ABL2: variants seen among roughly 807,000 people sequenced by gnomAD.
ABL2 encodes tyrosine-protein kinase ABL2.
A neutral mutation model predicts 107.7 loss-of-function variants in ABL2; 49 were observed. That is an observed-to-expected ratio of 0.45 (90% CI 0.36 to 0.58). ABL2 has a LOEUF of 0.58. ABL2 is among the 20% of genes least tolerant of loss of function. The pLI, the probability that ABL2 is intolerant of heterozygous loss-of-function variation, is 0.00. For synonymous variants in ABL2, 549 were observed against 548.6 expected (o/e 1.00, Z -0.01); for missense variants, 1,245 against 1,457.0 (o/e 0.85, Z 2.37).
At chr1:179,227,928 G>A (rs528847480) in intron 1 of ABL2, among the ~76,000 whole-genome samples, 1 of 151,684 alleles carries the variant, frequency 6.6e-6, no homozygotes, top group Non-Finnish European at 1.5e-5. Flanking sequence ...GCGGGCGCCT[G>A]TAATCCCAGC....
At position 179,218,102 on chromosome 1, in the gene ABL2, T is replaced by C. The variant is rs918399212; in HGVS notation, c.157+11139A>G. Among the ~76,000 whole-genome samples, 10 of 152,310 alleles carry C rather than the reference T, an allele frequency of 6.6e-5. No individual in the cohort carries two copies. The South Asian group carries it at 1.7e-3, about 25-fold the overall frequency. On this transcript the variant is annotated intron_variant, in intron 1 of 11. Coordinates refer to ENST00000502732, the MANE Select transcript of ABL2 (RefSeq NM_007314.4). ...CCTCAATAAATGGCAATTATTTCAT[T>C]ACCCAATTCTTCCAGGAACTGTAGC...
At chr1:179,159,018 G>GTATA (rs1658880903) in intron 1 of ABL2, among the ~76,000 whole-genome samples, 1 of 152,176 alleles carries the variant, frequency 6.6e-6, no homozygotes, top group Non-Finnish European at 1.5e-5. Context: ...TATATTATGA[G>GTATA]TATAAATCAG....
At position 179,099,459 on chromosome 1, in the gene ABL2, TCA is replaced by T; in HGVS notation, c.*8257_*8258del. 1 of 220,044 alleles carries T rather than the reference TCA, an allele frequency of 4.5e-6. No homozygotes were observed. The highest frequency in any genetic ancestry group is 9.1e-6 in the Non-Finnish European group (1 of 109,776). The allele number at this position is 220,044 out of a possible 1,614,324, so 13.6% of individuals were successfully genotyped here. On this transcript the variant is annotated 3_prime_UTR_variant, in exon 12 of 12. Transcript: ENST00000502732. Reference sequence around the variant, plus strand: ...CATCAAGTTTAACACTGTTAGCAGTTCACAGTCAGACAACAGACGGAGAGAAT... The same window carrying T: ...CATCAAGTTTAACACTGTTAGCAGTTCAGTCAGACAACAGACGGAGAGAAT...
chr1:179,139,048 G>A (rs984108548), intron 1 of ABL2, among the ~76,000 whole-genome samples: 5 of 152,178 alleles, frequency 3.3e-5, no homozygotes, highest in African/African-American at 4.8e-5. Context: ...CCGGTGCTGC[G>A]CTCAATTTCT....
chr1:179,184,043 C>G (rs920161871), intron 1 of ABL2: 4 of 266,330 alleles, frequency 1.5e-5, no homozygotes, highest in African/African-American at 9.2e-5. Flanking sequence ...ATTCTGAAAG[C>G]AGAACAGAAA....
At chr1:179,168,841 C>T (rs960220471) in intron 1 of ABL2, among the ~76,000 whole-genome samples, 9 of 152,162 alleles carry the variant, frequency 5.9e-5, no homozygotes, top group Non-Finnish European at 1.0e-4. Context: ...AGCATGACTT[C>T]GTAGTCCAAT....
At chr1:179,193,280 TA>T (rs1661120986) in intron 1 of ABL2, among the ~76,000 whole-genome samples, 1 of 151,722 alleles carries the variant, frequency 6.6e-6, no homozygotes, top group East Asian at 1.9e-4. Flanking sequence ...ACAAAATTTC[TA>T]AACTTTAAAA....
chr1:179,163,654 G>C (rs763571439), intron 1 of ABL2, among the ~76,000 whole-genome samples: 1 of 152,186 alleles, frequency 6.6e-6, no homozygotes, highest in Non-Finnish European at 1.5e-5. Context: ...GGCTGAGGCA[G>C]GAGAATCGCT....
intron 1 of ABL2, among the ~76,000 whole-genome samples, chr1:179,174,908 ATAAAATAAAAAAAATAAT>A (rs1323780894): frequency 8.3e-6 from 1 of 120,914 alleles, no homozygotes; most frequent in African/African-American, 3.0e-5. Flanking sequence ...AAAAAAAAAA[ATAAAATAAAAAAAATAAT>A]AATAATAATA....
At chr1:179,162,336 G>C (rs1188630367) in intron 1 of ABL2, among the ~76,000 whole-genome samples, 1 of 152,182 alleles carries the variant, frequency 6.6e-6, no homozygotes, top group Non-Finnish European at 1.5e-5. Flanking sequence ...TGTAATCCTA[G>C]CACTTCGGGA....
At chr1:179,189,590 C>T (rs995177912) in intron 1 of ABL2, among the ~76,000 whole-genome samples, 5 of 152,150 alleles carry the variant, frequency 3.3e-5, no homozygotes, top group Non-Finnish European at 7.3e-5. Flanking sequence ...TTTATTCATT[C>T]ATAAAGGGTG....
rs78211025 is a variant in ABL2 at position 179,176,434 on chromosome 1, C to T, written c.158-43060G>A. 5.3e-3 allele frequency among the ~76,000 whole-genome samples: 800 copies of T among 152,106 alleles called. 7 individuals are homozygous for T. Among genetic ancestry groups the T allele is most frequent in the African/African-American group, 0.018 (757 of 41,488 alleles). ...AGGATACTCTATTATACATTGTATT[C>T]CTGTATTAAAATATCCTATATACCC... On this transcript the variant is annotated intron_variant, in intron 1 of 11. Coordinates refer to ENST00000502732, the MANE Select transcript of ABL2 (RefSeq NM_007314.4).
intron 1 of ABL2, among the ~76,000 whole-genome samples, chr1:179,136,340 A>T (rs551441751): frequency 6.6e-6 from 1 of 151,764 alleles, no homozygotes; most frequent in Non-Finnish European, 1.5e-5. Flanking sequence ...TAGACATGGG[A>T]GACTTTTCAT....
intron 1 of ABL2, chr1:179,184,588 G>A (rs1660576997): frequency 1.8e-6 from 1 of 561,036 alleles, no homozygotes; most frequent in Non-Finnish European, 3.2e-6. Flanking sequence ...GGAGGAGGAG[G>A]AGGAAGAGGA....
At chr1:179,176,187 T>G (rs112506837) in intron 1 of ABL2, among the ~76,000 whole-genome samples, 58 of 151,636 alleles carry the variant, frequency 3.8e-4, no homozygotes, top group African/African-American at 1.3e-3. Flanking sequence ...GTCTCTACAG[T>G]CACAAGTTCG....
chr1:179,139,113 C>A (rs992300478), intron 1 of ABL2, among the ~76,000 whole-genome samples: 3 of 152,218 alleles, frequency 2.0e-5, no homozygotes, highest in African/African-American at 7.2e-5. Context: ...GCAGTGGCAA[C>A]CCACTCGGGT....
chr1:179,188,955 T>A (rs900572357), intron 1 of ABL2, among the ~76,000 whole-genome samples: 8 of 152,192 alleles, frequency 5.3e-5, no homozygotes, highest in African/African-American at 1.9e-4. Flanking sequence ...CCTTAAATCT[T>A]GAACTATATT....
intron 1 of ABL2, among the ~76,000 whole-genome samples, chr1:179,181,162 T>A (rs1034760951): frequency 8.5e-5 from 13 of 152,180 alleles, no homozygotes; most frequent in Non-Finnish European, 1.8e-4. Flanking sequence ...TGAAACGGAG[T>A]TTAAACAAAA....
At chr1:179,213,731 T>A (rs1006709101) in intron 1 of ABL2, among the ~76,000 whole-genome samples, 2 of 152,180 alleles carry the variant, frequency 1.3e-5, no homozygotes, top group Non-Finnish European at 1.5e-5. Flanking sequence ...CCATTTTAAA[T>A]CTTGTCATAT....
Sources: gnomAD v4.1 joint callset for allele counts (sites outside exome capture counted in the v4.1 genomes callset) on GRCh38, gnomAD v4.1.1 for gene constraint, MANE v1.5 for transcripts, NCBI Gene and HGNC (gene_info 2026-07-23, HGNC 2026-07-21) for gene names.